VWA5B2: variants seen among roughly 807,000 people sequenced by gnomAD.
The protein encoded by VWA5B2 is von Willebrand factor A domain containing 5B2.
VWA5B2 carries 93 observed loss-of-function variants against 118.5 expected under a neutral mutation model. The observed-to-expected ratio is 0.79, with a 90% CI of 0.66 to 0.93. The LOEUF (loss-of-function observed/expected upper bound fraction) is 0.93. VWA5B2 is among the 40% of genes least tolerant of loss of function. VWA5B2 has a pLI of 0.00. For missense variants in VWA5B2, 1,546 were observed against 1,672.8 expected (o/e 0.92, Z 1.32); for synonymous variants, 708 against 716.3 (o/e 0.99, Z 0.19).
chr3:184,241,714 G>A lies in VWA5B2; in HGVS notation c.3405G>A (p.Glu1135=), dbSNP rs1267836255. The A allele has an allele frequency of 5.3e-6, 8 of 1,507,300 alleles. No individual in the cohort carries two copies. The highest frequency in any genetic ancestry group is 3.7e-4 in the Middle Eastern group (2 of 5,426). The allele number at this position is 1,507,300 out of a possible 1,614,324, so 93.4% of individuals were successfully genotyped here. The change falls in exon 20 of 20, where the codon GAG becomes GAA. Residue 1135 remains glutamate, a synonymous_variant. Coordinates refer to ENST00000691901, the MANE Select transcript of VWA5B2 (RefSeq NM_001390846.1). This position sits in a 1 kb window ranked among gnomAD's most constrained non-coding sequence, Gnocchi z 5.1. The stretch of plus-strand genomic sequence containing the variant: ...GCCCGTCCCCCAGCTCGGGCTCTGA[G>A]GGGCCAGGCCAGGTGGACAGTGGGC... ...SCSPSPSSGS[E]GPGQVDSGRG... is the part of the protein sequence containing the mutation.
chr3:184,234,249 G>A lies in VWA5B2; in HGVS notation c.689-17G>A. 6.4e-7 allele frequency: 1 copy of A among 1,550,666 alleles called. No homozygotes were observed. The highest frequency in any genetic ancestry group is 8.7e-7 in the Non-Finnish European group (1 of 1,146,336). On this transcript the variant is annotated splice_polypyrimidine_tract_variant and intron_variant, in intron 5 of 19. Transcript: ENST00000691901. ...TGTTATGGCTACATCTCCCCTTCCT[G>A]CCTCTATGTCCCTCAGGCCTGGAGA... is the stretch of plus-strand genomic sequence containing the variant.
chr3:184,242,189 C>A lies in VWA5B2; in HGVS notation c.*151C>A, dbSNP rs765002200. 8.4e-4 allele frequency: 873 copies of A among 1,039,542 alleles called. 6 individuals are homozygous for A. The highest frequency in any genetic ancestry group is 2.6e-4 in the Middle Eastern group (1 of 3,810). The allele number at this position is 1,039,542 out of a possible 1,614,324, so 64.4% of individuals were successfully genotyped here. Reference sequence around the variant, plus strand: ...TCCCTCCCTAGAGCCCTCTTGCCCCCACAAAAAGTGCCTGCCTGTGCTCTC... The same window carrying A: ...TCCCTCCCTAGAGCCCTCTTGCCCCAACAAAAAGTGCCTGCCTGTGCTCTC... On this transcript the variant is annotated 3_prime_UTR_variant, in exon 20 of 20. Transcript: ENST00000691901.
chr3:184,234,796 G>A, intron 7 of VWA5B2, 41 bp downstream of exon 7: 1 of 1,549,894 alleles, frequency 6.5e-7, no homozygotes, highest in East Asian at 2.4e-5. Context: ...GGCCTTGGCT[G>A]CATTTGTGCA....
At chr3:184,230,309 A>T in intron 1 of VWA5B2, 71 bp from the exon 2 acceptor site, 1 of 488,348 alleles carries the variant, frequency 2.0e-6, no homozygotes, top group Non-Finnish European at 3.4e-6. Flanking sequence ...TGCCCAGGTA[A>T]CGCGTGAGGA....
At chr3:184,231,057 G>C (rs1008322387) in intron 3 of VWA5B2, 140 bp downstream of exon 3, 2 of 1,184,864 alleles carry the variant, frequency 1.7e-6, no homozygotes, top group Non-Finnish European at 2.1e-6. Context: ...GTATTTAGCA[G>C]TCGTGGGCTG....
At position 184,236,747 on chromosome 3, in the gene VWA5B2, A is replaced by G. The variant is rs1577090903; in HGVS notation, c.1531A>G (p.Met511Val). 7 of 1,523,186 alleles carry G rather than the reference A, an allele frequency of 4.6e-6. No individual in the cohort carries two copies. The highest frequency in any genetic ancestry group is 1.4e-5 in the African/African-American group (1 of 71,804). The allele number at this position is 1,523,186 out of a possible 1,614,324, so 94.4% of individuals were successfully genotyped here. ...FLRPGQRLQP[M>V]LVQALRKALE... ...GAGGCCTGGGCAGAGGCTGCAGCCC[A>G]TGGTGAGCTTGAGCCTGGGCCCTGT... The change falls in exon 11 of 20, where the codon ATG (methionine) becomes GTG (valine). Residue 511 changes from methionine (M) to valine (V), a missense_variant and splice_region_variant. Met to Val is a conservative substitution (Grantham distance 21). Coordinates refer to ENST00000691901, the MANE Select transcript of VWA5B2 (RefSeq NM_001390846.1).
intron 3 of VWA5B2, among the ~76,000 whole-genome samples, chr3:184,232,285 G>A (rs952895738): frequency 6.6e-6 from 1 of 152,148 alleles, no homozygotes; most frequent in Admixed American, 6.5e-5. Context: ...CTTTATGGAT[G>A]AGGAAACAGG....
At position 184,239,260 on chromosome 3, in the gene VWA5B2, C is replaced by A; in HGVS notation, c.2203-134C>A. On this transcript the variant is annotated intron_variant, in intron 14 of 19. Coordinates refer to ENST00000691901, the MANE Select transcript of VWA5B2 (RefSeq NM_001390846.1). This position sits in a 1 kb window ranked among gnomAD's most constrained non-coding sequence, Gnocchi z 5.1. ...AGAGGTCACTGTAGGCCATAAGGAACTTGGCCTTCCTCCTCAAGCTGGTGA... is the reference window on the plus strand; with the variant it reads ...AGAGGTCACTGTAGGCCATAAGGAAATTGGCCTTCCTCCTCAAGCTGGTGA... The A allele has an allele frequency of 3.1e-6, 3 of 982,160 alleles. No homozygotes were observed. Among genetic ancestry groups the A allele is most frequent in the Non-Finnish European group, 4.3e-6 (3 of 703,014 alleles). The allele number at this position is 982,160 out of a possible 1,614,324, so 60.8% of individuals were successfully genotyped here.
At chr3:184,240,768 C>A in intron 16 of VWA5B2, 23 bp from the exon 17 acceptor site, 4 of 1,549,138 alleles carry the variant, frequency 2.6e-6, no homozygotes, top group Non-Finnish European at 3.5e-6. Context: ...GGGGGCTCCA[C>A]AGACTGCTCC....
At chr3:184,240,666 C>T (rs1409826077) in intron 16 of VWA5B2, 125 bp from the exon 17 acceptor site, 3 of 1,346,734 alleles carry the variant, frequency 2.2e-6, no homozygotes, top group Non-Finnish European at 3.0e-6. Context: ...CTGGGCCTAG[C>T]AAGGCAATCT....
chr3:184,235,261 A>G lies in VWA5B2; in HGVS notation c.1054A>G (p.Thr352Ala). The G allele has an allele frequency of 3.2e-6, 5 of 1,551,418 alleles. No homozygotes were observed. Among genetic ancestry groups the G allele is most frequent in the Non-Finnish European group, 4.4e-6 (5 of 1,146,916 alleles). The part of the protein sequence containing the change: ...SSKPGHLGTA[T>A]RELLFLLDSS... ...CAAGCCCGGACACCTGGGGACAGCT[A>G]CTCGGGAGCTACTCTTCCTTTTGGA... The change falls in exon 8 of 20, where the codon ACT (threonine) becomes GCT (alanine). Residue 352 changes from threonine (T) to alanine (A), a missense_variant. Thr to Ala is a moderately conservative substitution (Grantham distance 58). Transcript: ENST00000691901.
Position 184,237,980 on chromosome 3 carries a change from G to A in VWA5B2, c.1720-323G>A, listed in dbSNP as rs1463082721. Among the ~76,000 whole-genome samples, 1 of 152,132 alleles carries A rather than the reference G, an allele frequency of 6.6e-6. No individual in the cohort carries two copies. The highest frequency in any genetic ancestry group is 2.4e-5 in the African/African-American group (1 of 41,426). On this transcript the variant is annotated intron_variant, in intron 12 of 19. Transcript: ENST00000691901. This position sits in a 1 kb window ranked among gnomAD's most constrained non-coding sequence, Gnocchi z 5.6. ...AACACTTGACACAGTAGGAGCTGGG[G>A]ACATGGTAGTTATTTTTTAATGAAA...
chr3:184,231,369 C>T (rs567738985), intron 3 of VWA5B2, among the ~76,000 whole-genome samples: 33 of 152,358 alleles, frequency 2.2e-4, no homozygotes, highest in African/African-American at 7.5e-4. Flanking sequence ...CCCAGCGACC[C>T]CATACACCAG....
At chr3:184,240,951 T>C (rs1718536677) in intron 17 of VWA5B2, 23 bp downstream of exon 17, 1 of 1,551,442 alleles carries the variant, frequency 6.4e-7, no homozygotes, top group East Asian at 2.4e-5. Flanking sequence ...TCTGGTGACC[T>C]CTCAGGTGCA....
In VWA5B2 at chr3:184,230,597, C is replaced by A. The variant is rs1186377952; in HGVS notation, c.69C>A (p.Cys23Ter). 5 of 1,458,746 alleles carry A rather than the reference C, an allele frequency of 3.4e-6. No homozygotes were observed. Among genetic ancestry groups the A allele is most frequent in the Non-Finnish European group, 9.0e-7 (1 of 1,112,242 alleles). The allele number at this position is 1,458,746 out of a possible 1,614,324, so 90.4% of individuals were successfully genotyped here. A position where few individuals can be genotyped will look rare whatever the true frequency, so the allele number is the denominator to read the frequency against. The change falls in exon 2 of 20, where the codon TGC (cysteine) becomes TGA (stop). Residue 23 changes from cysteine (C) to a stop codon, truncating the protein, a stop_gained. Coordinates refer to ENST00000691901, the MANE Select transcript of VWA5B2 (RefSeq NM_001390846.1). LOFTEE classifies it high-confidence loss of function. ...TCACGGACTCCTGGGTCCGGGCCTG[C>A]GCCAACGGCCCCTGCCTCAGCGTGC... ...LPLTDSWVRA[C>*]ANGPCLSVRA... is the part of the protein sequence containing the mutation.
Position 184,230,378 on chromosome 3 carries a change from A to C in VWA5B2, c.-149-2A>C, listed in dbSNP as rs1717255703. 8.5e-6 allele frequency: 8 copies of C among 939,432 alleles called. No homozygotes were observed. The South Asian group carries it at 1.9e-4, about 22-fold the overall frequency. The allele number at this position is 939,432 out of a possible 1,614,324, so 58.2% of individuals were successfully genotyped here. ...ATCTCCCCCGCCACCTGTCGCCCTC[A>C]GGAGCTCCCGCTCGGCCTCGCGCCC... On this transcript the variant is annotated splice_acceptor_variant, in intron 1 of 19. Transcript: ENST00000691901. LOFTEE classifies it low-confidence loss of function (5UTR_SPLICE).
Position 184,241,963 on chromosome 3 carries a change from G to A in VWA5B2, c.3654G>A (p.Gly1218=), listed in dbSNP as rs1479063727. 1 of 1,549,914 alleles carries A rather than the reference G, an allele frequency of 6.5e-7. No individual in the cohort carries two copies. Among genetic ancestry groups the A allele is most frequent in the African/African-American group, 1.4e-5 (1 of 73,040 alleles). ...CCGCCCTCAAGGCCGCAGCCCGAGG[G>A]CTCTTCCTGCTACTGCGCCACTGGG... ...DLAALKAAAR[G]LFLLLRHWDQ... is the part of the protein sequence containing the mutation. Residue 1218 remains glycine, a synonymous_variant, in exon 20 of 20, where the codon GGG becomes GGA. Transcript: ENST00000691901. This position sits in a 1 kb window ranked among gnomAD's most constrained non-coding sequence, Gnocchi z 5.1.
chr3:184,240,965 C>G (rs1718538965), intron 17 of VWA5B2, 37 bp downstream of exon 17: 2 of 1,551,392 alleles, frequency 1.3e-6, no homozygotes, highest in African/African-American at 1.4e-5. Flanking sequence ...AGGTGCAGCT[C>G]TCACCTCACT....
chr3:184,233,126 T>G lies in VWA5B2; in HGVS notation c.311-52T>G. Reference sequence around the variant, plus strand: ...ATGCCTGCTTCCACATCTAGCTTCCTCCCTCTCCTCTGCTTCCAGCATGCT... The same window carrying G: ...ATGCCTGCTTCCACATCTAGCTTCCGCCCTCTCCTCTGCTTCCAGCATGCT... On this transcript the variant is annotated intron_variant, in intron 3 of 19. Coordinates refer to ENST00000691901, the MANE Select transcript of VWA5B2 (RefSeq NM_001390846.1). The surrounding 1 kb of genome is among the most constrained non-coding windows in gnomAD (Gnocchi z 5.2). The G allele has an allele frequency of 6.7e-7, 1 of 1,494,726 alleles. No homozygotes were observed. The highest frequency in any genetic ancestry group is 9.0e-7 in the Non-Finnish European group (1 of 1,109,234). The allele number at this position is 1,494,726 out of a possible 1,614,324, so 92.6% of individuals were successfully genotyped here. A position where few individuals can be genotyped will look rare whatever the true frequency, so the allele number is the denominator to read the frequency against.
Sources: allele counts gnomAD v4.1 joint callset (sites outside exome capture counted in the v4.1 genomes callset), GRCh38; gene constraint gnomAD v4.1.1; non-coding constraint Gnocchi (gnomAD v3.1); transcripts MANE v1.5; gene names NCBI Gene and HGNC (gene_info 2026-07-23, HGNC 2026-07-21).